Variants in PRTG observed in about 807,000 individuals in gnomAD.
PRTG encodes immunoglobulin superfamily, DCC subclass, member 5.
A neutral mutation model predicts 122.5 loss-of-function variants in PRTG; 67 were observed. That is an observed-to-expected ratio of 0.55 (90% CI 0.45 to 0.67). The LOEUF (loss-of-function observed/expected upper bound fraction) is 0.67, where lower values mean the gene tolerates loss of function less well. PRTG is among the 30% of genes least tolerant of loss of function. The pLI is 0.00. For synonymous variants in PRTG, 554 were observed against 501.1 expected, an observed-to-expected ratio of 1.11 and a Z score of -1.41; for missense variants, 1,435 against 1,415.4, an observed-to-expected ratio of 1.01 and a Z score of -0.22.
At chr15:55,706,855 T>C (rs1285343258) in intron 2 of PRTG, among the ~76,000 whole-genome samples, 3 of 152,100 alleles carry the variant, frequency 2.0e-5, no homozygotes, top group African/African-American at 7.2e-5. Flanking sequence ...AGGGCAGAGA[T>C]GATGCAGAGC....
intron 15 of PRTG, among the ~76,000 whole-genome samples, chr15:55,634,632 GGAGTTCGAGACCAGCCT>G (rs1236520507): frequency 6.6e-6 from 1 of 151,994 alleles, no homozygotes; most frequent in African/African-American, 2.4e-5. Context: ...CCTGAGCTCA[GGAGTTCGAGACCAGCCT>G]GGGCAACACA....
intron 2 of PRTG, among the ~76,000 whole-genome samples, chr15:55,729,314 G>A (rs1365047450): frequency 1.1e-4 from 16 of 152,160 alleles, no homozygotes; most frequent in African/African-American, 3.9e-4. Context: ...ACCACATATA[G>A]GCACATCCAC....
At chr15:55,656,451 G>A (rs1036177782) in intron 11 of PRTG, 4 of 408,078 alleles carry the variant, frequency 9.8e-6, no homozygotes, top group African/African-American at 8.4e-5. Context: ...TCTATAATCT[G>A]TTAGGTTGCT....
chr15:55,645,641 A>G (rs146860620), intron 11 of PRTG, among the ~76,000 whole-genome samples: 8 of 152,152 alleles, frequency 5.3e-5, no homozygotes, highest in African/African-American at 1.7e-4. Context: ...ACCTCAGCAT[A>G]AGCAGCAAAA....
chr15:55,670,722 G>A (rs1273171868), intron 11 of PRTG, among the ~76,000 whole-genome samples: 3 of 152,130 alleles, frequency 2.0e-5, no homozygotes, highest in Non-Finnish European at 4.4e-5. Context: ...CCAACATGGA[G>A]AAACCCCCGT....
chr15:55,679,386 G>A lies in PRTG; in HGVS notation c.1033C>T (p.Arg345Ter), dbSNP rs769209288. The A allele has an allele frequency of 2.5e-6, 4 of 1,613,254 alleles. No homozygotes were observed. Among genetic ancestry groups the A allele is most frequent in the South Asian group, 1.1e-5 (1 of 91,016 alleles). The change falls in exon 7 of 20, where the codon CGA (arginine) becomes TGA (stop). Residue 345 changes from arginine to a stop codon, truncating the protein, a stop_gained. Coordinates refer to ENST00000389286, the MANE Select transcript of PRTG (RefSeq NM_173814.6). LOFTEE classifies it high-confidence loss of function. Reference sequence around the variant, plus strand: ...ATTCCTTCTGCCTGACACACAAATCGAGCAGTGCCAGCTCGAGGCCTTGTT... The same window carrying A: ...ATTCCTTCTGCCTGACACACAAATCAAGCAGTGCCAGCTCGAGGCCTTGTT... ...SLTRPRAGTARFVCQAEGIPS... is the reference protein window; with the variant it reads ...SLTRPRAGTA
chr15:55,615,713 A>G lies in PRTG; in HGVS notation c.*4299T>C, dbSNP rs150282107. 2.1e-3 allele frequency: 324 copies of G among 152,200 alleles called. 2 individuals carry two copies. Among genetic ancestry groups the G allele is most frequent in the African/African-American group, 7.6e-3 (314 of 41,552 alleles). 9.4% of individuals were successfully genotyped at this position (152,200 alleles called of 1,614,324 possible). A position where few individuals can be genotyped will look rare whatever the true frequency, so the allele number is the denominator to read the frequency against. On this transcript the variant is annotated 3_prime_UTR_variant, in exon 20 of 20. Transcript: ENST00000389286. The stretch of plus-strand genomic sequence containing the variant: ...GTGCAGTCTTAGTGACTGTTTCAAT[A>G]TAACTGGAGTTTTTTTTTTACATTC...
Position 55,630,296 on chromosome 15 carries a change from T to C in PRTG, c.2624-1292A>G, listed in dbSNP as rs1405060081. Among the ~76,000 whole-genome samples, 7 of 152,106 alleles carry C rather than the reference T, an allele frequency of 4.6e-5. No homozygotes were observed. The East Asian group carries it at 1.2e-3, about 25-fold the overall frequency. ...CCACCACGCCCGGCCAATTCTTTTG[T>C]ATTTTTAATAGAGATGGGATTTCAC... On this transcript the variant is annotated intron_variant, in intron 15 of 19. Coordinates refer to ENST00000389286, the MANE Select transcript of PRTG (RefSeq NM_173814.6).
At position 55,677,901 on chromosome 15, in the gene PRTG, T is replaced by C. The variant is rs759228787; in HGVS notation, c.1277A>G (p.His426Arg). The C allele has an allele frequency of 1.2e-6, 2 of 1,613,952 alleles. No individual in the cohort carries two copies. Among genetic ancestry groups the C allele is most frequent in the East Asian group, 2.2e-5 (1 of 44,854 alleles). ...GGCTGAGCTTGACATGGTTTCAGCA[T>C]GTACATTATAGGGAGCACTGGGTCT... ...EDRPSAPYNV[H>R]AETMSSSAIL... Residue 426 changes from histidine to arginine, a missense_variant, in exon 8 of 20, where the codon CAT becomes CGT. Transcript: ENST00000389286.
chr15:55,682,293 A>G, intron 4 of PRTG, 71 bp downstream of exon 4: 23 of 1,248,454 alleles, frequency 1.8e-5, no homozygotes, highest in Non-Finnish European at 2.4e-5. Flanking sequence ...ACATTATTAC[A>G]GCAGAGGAGA....
At chr15:55,663,256 A>C (rs2059419653) in intron 11 of PRTG, among the ~76,000 whole-genome samples, 2 of 152,196 alleles carry the variant, frequency 1.3e-5, no homozygotes, top group Non-Finnish European at 2.9e-5. Context: ...CTTTACCAAT[A>C]TCACAGTCTT....
chr15:55,718,600 A>C (rs1344585740), intron 2 of PRTG, among the ~76,000 whole-genome samples: 2 of 151,358 alleles, frequency 1.3e-5, no homozygotes, highest in African/African-American at 4.9e-5. Flanking sequence ...ACGTGAAATA[A>C]ACAGCCTTGT....
rs771475883 is a variant in PRTG, at chr15:55,620,026, G to T, written c.3439C>A (p.Pro1147Thr). The T allele has an allele frequency of 4.3e-6, 7 of 1,614,158 alleles. No homozygotes were observed. The East Asian group carries it at 1.3e-4, about 31-fold the overall frequency. ...IHLSSVISTT[P>T]PNL The stretch of plus-strand genomic sequence containing the variant: ...CAGTGAAAGAATCAGAGGTTGGGGG[G>T]TGTGGTACTTATAACTGAGGACAGA... The change falls in exon 20 of 20, where the codon CCC becomes ACC. Residue 1147 changes from proline (P) to threonine (T), a missense_variant. Coordinates refer to ENST00000389286, the MANE Select transcript of PRTG (RefSeq NM_173814.6).
rs766683882 is a variant in PRTG at position 55,740,690 on chromosome 15, AG to A, written c.95-7del. ...TTCGCTAAAGCACCACACTCCTATA[AG>A]GAAAAAAAAGGAGAACGGCACATCC... On this transcript the variant is annotated splice_region_variant and splice_polypyrimidine_tract_variant and intron_variant, in intron 1 of 19. Coordinates refer to ENST00000389286, the MANE Select transcript of PRTG (RefSeq NM_173814.6). The A allele has an allele frequency of 6.3e-7, 1 of 1,593,002 alleles. No individual in the cohort carries two copies. The highest frequency in any genetic ancestry group is 1.1e-5 in the South Asian group (1 of 87,234).
chr15:55,691,411 G>A (rs1050473374), intron 2 of PRTG, among the ~76,000 whole-genome samples: 8 of 151,648 alleles, frequency 5.3e-5, no homozygotes, highest in African/African-American at 1.9e-4. Flanking sequence ...GGCTGGGCAC[G>A]GTGGCTCACA....
At chr15:55,702,327 T>C (rs983162175) in intron 2 of PRTG, among the ~76,000 whole-genome samples, 4 of 152,224 alleles carry the variant, frequency 2.6e-5, no homozygotes, top group African/African-American at 9.6e-5. Context: ...TCTTGTTTGC[T>C]TCACTGTTTG....
At chr15:55,672,379 A>G (rs980896544) in intron 11 of PRTG, 66 bp downstream of exon 11, 103 of 1,298,140 alleles carry the variant, frequency 7.9e-5, no homozygotes, top group Non-Finnish European at 1.0e-4. Context: ...TTTAGATCCA[A>G]TAACTTTTTT....
chr15:55,649,088 CA>C (rs11481493), intron 11 of PRTG, among the ~76,000 whole-genome samples: 24 of 136,346 alleles, frequency 1.8e-4, no homozygotes, highest in African/African-American at 3.4e-4. Flanking sequence ...GACTCCGTCT[CA>C]AAAAAAAAAA....
intron 11 of PRTG, chr15:55,656,416 A>G (rs1281124133): frequency 4.6e-6 from 2 of 435,274 alleles, no homozygotes; most frequent in African/African-American, 2.1e-5. Context: ...AGGGTACTTT[A>G]TAAAGGAAAA....
Sources: allele counts gnomAD v4.1 joint callset (sites outside exome capture counted in the v4.1 genomes callset), GRCh38; gene constraint gnomAD v4.1.1; transcripts MANE v1.5; gene names NCBI Gene and HGNC (gene_info 2026-07-23, HGNC 2026-07-21).